TAF1C: variants seen among roughly 807,000 people sequenced by gnomAD.
The protein encoded by TAF1C is TATA-box binding protein associated factor, RNA polymerase I subunit C.
TAF1C carries 79 observed loss-of-function variants against 70.5 expected under a neutral mutation model. The observed-to-expected ratio is 1.12, with a 90% CI of 0.93 to 1.35. The LOEUF is 1.35. Ranked by LOEUF, TAF1C falls within the 40% of genes most tolerant of loss-of-function variation. The pLI, the probability that TAF1C is intolerant of heterozygous loss-of-function variation, is 0.00. For missense variants in TAF1C, 1,412 were observed against 1,127.8 expected (o/e 1.25, Z -3.61); for synonymous variants, 614 against 491.1 (o/e 1.25, Z -3.31).
rs1055119992 is a variant in TAF1C, at chr16:84,184,791, C to T, written c.138+60G>A. The T allele has an allele frequency of 2.2e-5, 34 of 1,527,612 alleles. No homozygotes were observed. The African/African-American group carries it at 2.3e-4, about 11-fold the overall frequency. 94.6% of individuals were successfully genotyped at this position (1,527,612 alleles called of 1,614,324 possible). On this transcript the variant is annotated intron_variant, in intron 2 of 14. Transcript: ENST00000566732. ...CTTGTCAACTGATGTGAATGTGAGA[C>T]GGGGGACCCAGGGAAGGGATGTCCC...
rs756288571 is a variant in TAF1C at position 84,180,257 on chromosome 16, G to A, written c.1396C>T (p.Arg466Ter). Reference protein sequence around the residue: ...HGLPSPLLLARLLPPPRPSCV... With the variant: ...HGLPSPLLLA ...CTGGGCCGGGGCGGAGGCAGCAGTCGGGCCAGCAGGAGCGGGGAGGGGAGG... is the reference window on the plus strand; with the variant it reads ...CTGGGCCGGGGCGGAGGCAGCAGTCAGGCCAGCAGGAGCGGGGAGGGGAGG... Residue 466 changes from arginine (R) to a stop codon, truncating the protein, a stop_gained, in exon 13 of 15, where the codon CGA (arginine) becomes TGA (stop). Coordinates refer to ENST00000566732, the MANE Select transcript of TAF1C (RefSeq NM_001243156.2). LOFTEE classifies it high-confidence loss of function. The A allele has an allele frequency of 4.5e-6, 7 of 1,543,888 alleles. No homozygotes were observed. The highest frequency in any genetic ancestry group is 2.4e-5 in the East Asian group (1 of 41,250).
Position 84,179,384 on chromosome 16 carries a change from C to T in TAF1C, c.2089G>A (p.Glu697Lys). Residue 697 changes from glutamate (E) to lysine (K), a missense_variant, in exon 15 of 15, where the codon GAA becomes AAA. Physicochemically the swap from Glu to Lys is moderately conservative, Grantham distance 56. Coordinates refer to ENST00000566732, the MANE Select transcript of TAF1C (RefSeq NM_001243156.2). ...GCAGCCCCTCGGCCTGCCCAGGCTT[C>T]CCCCAGGCGCTCACTGAGCTTGTCC... is the stretch of plus-strand genomic sequence containing the variant. ...LEDKLSERLG[E>K]AWAGRGAAWW... 4 of 1,598,662 alleles carry T rather than the reference C, an allele frequency of 2.5e-6. No homozygotes were observed. The highest frequency in any genetic ancestry group is 3.4e-6 in the Non-Finnish European group (4 of 1,178,058).
At position 84,183,146 on chromosome 16, in the gene TAF1C, G is replaced by A. The variant is rs764136041; in HGVS notation, c.412C>T (p.Arg138Cys). 27 of 1,613,898 alleles carry A rather than the reference G, an allele frequency of 1.7e-5. No individual in the cohort carries two copies. In the East Asian group the frequency reaches 2.2e-4, roughly 13 times the overall value. ...ENFKLEGAGS[R>C]TKKKTVVSVK... Reference sequence around the variant, plus strand: ...CTGACCACTGTCTTCTTCTTAGTGCGGCTCTGCATGGAAAGGCCTTGTCAG... The same window carrying A: ...CTGACCACTGTCTTCTTCTTAGTGCAGCTCTGCATGGAAAGGCCTTGTCAG... The change falls in exon 6 of 15, where the codon CGC becomes TGC. Residue 138 changes from arginine to cysteine, a missense_variant. Coordinates refer to ENST00000566732, the MANE Select transcript of TAF1C (RefSeq NM_001243156.2).
chr16:84,182,987 A>T lies in TAF1C; in HGVS notation c.482+89T>A. The T allele has an allele frequency of 4.4e-6, 6 of 1,357,674 alleles. No individual in the cohort carries two copies. Among genetic ancestry groups the T allele is most frequent in the Non-Finnish European group, 6.3e-6 (6 of 950,880 alleles). 84.1% of individuals were successfully genotyped at this position (1,357,674 alleles called of 1,614,324 possible). A position where few individuals can be genotyped will look rare whatever the true frequency, so the allele number is the denominator to read the frequency against. ...ATGGAGCAGGGGGGAAGTGGGTATG[A>T]CGGAAAGCTGTACGTGCGTCCTAGC... is the stretch of plus-strand genomic sequence containing the variant. On this transcript the variant is annotated intron_variant, in intron 6 of 14. Coordinates refer to ENST00000566732, the MANE Select transcript of TAF1C (RefSeq NM_001243156.2). The surrounding 1 kb of genome is among the most constrained non-coding windows in gnomAD (Gnocchi z 5.0).
chr16:84,186,482 G>A (rs1040788140), intron 1 of TAF1C, among the ~76,000 whole-genome samples: 3 of 152,346 alleles, frequency 2.0e-5, no homozygotes, highest in Middle Eastern at 3.4e-3. Context: ...GAATCTGGGA[G>A]GCAGAGGTTG....
At chr16:84,185,211 G>A (rs1308551135) in intron 1 of TAF1C, 151 bp from the exon 2 acceptor site, 5 of 469,122 alleles carry the variant, frequency 1.1e-5, no homozygotes, top group Non-Finnish European at 1.8e-5. Flanking sequence ...AGTGGGCTGA[G>A]GGCGTGGTTT....
chr16:84,183,615 G>A lies in TAF1C; in HGVS notation c.220+82C>T, dbSNP rs1337298183. 15 of 1,545,866 alleles carry A rather than the reference G, an allele frequency of 9.7e-6. No homozygotes were observed. The South Asian group carries it at 1.3e-4, about 13-fold the overall frequency. The stretch of plus-strand genomic sequence containing the variant: ...CCTGAGCAGGCACAGGCTTAGCAGG[G>A]AGAGGAAGGTCTCAGGAGCGGGAGC... On this transcript the variant is annotated intron_variant, in intron 3 of 14. Transcript: ENST00000566732.
chr16:84,180,704 G>A, intron 12 of TAF1C: 1 of 939,832 alleles, frequency 1.1e-6, no homozygotes, highest in Non-Finnish European at 1.4e-6. Context: ...GGGAGGGCGG[G>A]TGGAGGACAG....
rs371382879 is a variant in TAF1C, at chr16:84,179,785, G to A, written c.1688C>T (p.Ser563Leu). 4.7e-5 allele frequency: 76 copies of A among 1,609,862 alleles called. No individual in the cohort carries two copies. The highest frequency in any genetic ancestry group is 5.8e-5 in the Non-Finnish European group (68 of 1,178,808). ...PTPGLVLFQL[S>L]AAGDVFYQQL... is the part of the protein sequence containing the mutation. ...CTGGTAGAAGACATCTCCCGCCGCC[G>A]AGAGCTGGAAGAGCACCAGGCCTGG... Residue 563 changes from serine (S) to leucine (L), a missense_variant, in exon 15 of 15, where the codon TCG (serine) becomes TTG (leucine). Physicochemically the swap from Ser to Leu is moderately radical, Grantham distance 145. Coordinates refer to ENST00000566732, the MANE Select transcript of TAF1C (RefSeq NM_001243156.2).
chr16:84,179,730 G>A lies in TAF1C; in HGVS notation c.1743C>T (p.Leu581=). Residue 581 remains leucine (L), a synonymous_variant, in exon 15 of 15, where the codon CTC becomes CTT. Transcript: ENST00000566732. ...CGCCAGGAGGCCCAGCATCTCTGCGGAGGCTGGAGTCCACCTGGGGGCGGA... is the reference window on the plus strand; with the variant it reads ...CGCCAGGAGGCCCAGCATCTCTGCGAAGGCTGGAGTCCACCTGGGGGCGGA... The part of the protein sequence containing the change: ...QQLRPQVDSS[L]RRDAGPPGDT... 5 of 1,611,968 alleles carry A rather than the reference G, an allele frequency of 3.1e-6. No homozygotes were observed. Among genetic ancestry groups the A allele is most frequent in the Non-Finnish European group, 4.2e-6 (5 of 1,179,764 alleles).
intron 1 of TAF1C, among the ~76,000 whole-genome samples, chr16:84,186,141 G>A (rs1022557051): frequency 6.6e-6 from 1 of 152,246 alleles, no homozygotes; most frequent in Non-Finnish European, 1.5e-5. Flanking sequence ...TAGTCCAACA[G>A]CTCTTAGCTG....
rs1243452874 is a variant in TAF1C at position 84,181,922 on chromosome 16, AGT to A, written c.838+18_838+19del. On this transcript the variant is annotated intron_variant, in intron 8 of 14. Coordinates refer to ENST00000566732, the MANE Select transcript of TAF1C (RefSeq NM_001243156.2). Reference sequence around the variant, plus strand: ...AGCAGGTCAGCCAGTGAGGGAGGAAAGTGTATATAAGGGCCTTACTTTCTCCC... The same window carrying A: ...AGCAGGTCAGCCAGTGAGGGAGGAAAGTATATAAGGGCCTTACTTTCTCCC... 1.2e-6 allele frequency: 2 copies of A among 1,614,070 alleles called. No individual in the cohort carries two copies. The highest frequency in any genetic ancestry group is 2.7e-5 in the African/African-American group (2 of 75,048).
In TAF1C at chr16:84,181,179, G is replaced by A. The variant is rs775914678; in HGVS notation, c.1172C>T (p.Pro391Leu). 94 of 1,607,366 alleles carry A rather than the reference G, an allele frequency of 5.8e-5. No homozygotes were observed. Among genetic ancestry groups the A allele is most frequent in the Admixed American group, 1.3e-4 (8 of 59,834 alleles). Residue 391 changes from proline to leucine, a missense_variant, in exon 12 of 15, where the codon CCG becomes CTG. Coordinates refer to ENST00000566732, the MANE Select transcript of TAF1C (RefSeq NM_001243156.2). ...ACGAAAAAGCAACAGACCACAGCCC[G>A]GCGGGCCCTGGAAGATAAACACAGG... ...GVKMLDTQGP[P>L]GCGLLLFRLG...
chr16:84,179,902 GTTT>G, intron 14 of TAF1C, 41 bp downstream of exon 14: 1 of 1,608,508 alleles, frequency 6.2e-7, no homozygotes. Flanking sequence ...GGGAGGGGAT[GTTT>G]TCCACTGCGC....
At chr16:84,185,752 T>G (rs2089445883) in intron 1 of TAF1C, among the ~76,000 whole-genome samples, 1 of 151,930 alleles carries the variant, frequency 6.6e-6, no homozygotes, top group African/African-American at 2.4e-5. Flanking sequence ...AATACAAAAT[T>G]AGCCGGGCGT....
chr16:84,179,106 G>A lies in TAF1C; in HGVS notation c.2367C>T (p.Leu789=), dbSNP rs749968710. Residue 789 remains leucine (L), a synonymous_variant, in exon 15 of 15, where the codon CTC becomes CTT. Coordinates refer to ENST00000566732, the MANE Select transcript of TAF1C (RefSeq NM_001243156.2). ...GTGGTAGCTTGGCCATGTAGTCACGGAGCATCTGCCGCTGCTCTGATGGGA... is the reference window on the plus strand; with the variant it reads ...GTGGTAGCTTGGCCATGTAGTCACGAAGCATCTGCCGCTGCTCTGATGGGA... ...QGVPSEQRQM[L]RDYMAKLPPQ... The A allele has an allele frequency of 4.3e-6, 7 of 1,609,632 alleles. No homozygotes were observed. The highest frequency in any genetic ancestry group is 1.1e-5 in the South Asian group (1 of 90,952).
In TAF1C at chr16:84,183,682, G is replaced by C; in HGVS notation, c.220+15C>G. On this transcript the variant is annotated intron_variant, in intron 3 of 14. Transcript: ENST00000566732. ...GGAGCAGTGTGGAGTGAGCCCGGGGGAATGAGACCCTTACCGATGAGGGGA... is the reference window on the plus strand; with the variant it reads ...GGAGCAGTGTGGAGTGAGCCCGGGGCAATGAGACCCTTACCGATGAGGGGA... 24 of 1,607,500 alleles carry C rather than the reference G, an allele frequency of 1.5e-5. No individual in the cohort carries two copies. The highest frequency in any genetic ancestry group is 2.0e-5 in the Non-Finnish European group (24 of 1,176,036).
chr16:84,181,127 T>C lies in TAF1C; in HGVS notation c.1224A>G (p.Lys408=), dbSNP rs758336986. Residue 408 remains lysine (K), a synonymous_variant, in exon 12 of 15, where the codon AAA becomes AAG. Coordinates refer to ENST00000566732, the MANE Select transcript of TAF1C (RefSeq NM_001243156.2). ...ACTGGGTAAGCAGGACACGTTCCCC[T>C]TTCTGGCACGAAGCCTCTGCCCCCA... is the stretch of plus-strand genomic sequence containing the variant. The part of the protein sequence containing the change: ...FRLGAEASCQ[K]GERVLLTQYL... The C allele has an allele frequency of 1.1e-5, 18 of 1,613,090 alleles. No individual in the cohort carries two copies. The highest frequency in any genetic ancestry group is 5.0e-5 in the Admixed American group (3 of 59,992).
In TAF1C at chr16:84,178,983, A is replaced by G. The variant is rs376540111; in HGVS notation, c.2490T>C (p.Ser830=). ...GCTTCTTCCGGAGGGGCTGAGAGCT[A>G]GAGAGGACGGGTGTGTGCTGCTGGG... is the stretch of plus-strand genomic sequence containing the variant. ...TRSQQHTPVL[S]SSQPLRKKPR... The change falls in exon 15 of 15, where the codon TCT becomes TCC. Residue 830 remains serine, a synonymous_variant. Transcript: ENST00000566732. 4 of 1,610,756 alleles carry G rather than the reference A, an allele frequency of 2.5e-6. No individual in the cohort carries two copies. The highest frequency in any genetic ancestry group is 3.4e-6 in the Non-Finnish European group (4 of 1,179,922).
Sources: allele counts gnomAD v4.1 joint callset (sites outside exome capture counted in the v4.1 genomes callset), GRCh38; gene constraint gnomAD v4.1.1; non-coding constraint Gnocchi (gnomAD v3.1); transcripts MANE v1.5; gene names NCBI Gene and HGNC (gene_info 2026-07-23, HGNC 2026-07-21).